Variants in MPPED1 observed in about 807,000 individuals in gnomAD.
The protein encoded by MPPED1 is metallophosphoesterase domain-containing protein 1.
In MPPED1, 16 loss-of-function variants were observed where a neutral mutation model predicts 36.2. The observed-to-expected ratio is 0.44, with a 90% CI of 0.30 to 0.67. The LOEUF is 0.67. Among genes scored for constraint, MPPED1 ranks in the 30% least tolerant of loss-of-function variants. The pLI is 0.10. For missense variants in MPPED1, 307 were observed against 453.4 expected (o/e 0.68, Z 2.93); for synonymous variants, 199 against 191.3 (o/e 1.04, Z -0.33).
At chr22:43,459,948 C>G (rs998691730) in intron 3 of MPPED1, among the ~76,000 whole-genome samples, 3 of 152,146 alleles carry the variant, frequency 2.0e-5, no homozygotes, top group Admixed American at 2.0e-4. Context: ...GTGGCTTACG[C>G]CTGTAATCCC....
At chr22:43,475,927 A>T (rs1468363760) in intron 4 of MPPED1, among the ~76,000 whole-genome samples, 1 of 95,460 alleles carries the variant, frequency 1.0e-5, no homozygotes, top group Non-Finnish European at 2.2e-5. Context: ...GAAGATGGTG[A>T]TGGTGGTATG....
At chr22:43,415,730 G>A (rs779910301) in intron 1 of MPPED1, among the ~76,000 whole-genome samples, 1 of 152,140 alleles carries the variant, frequency 6.6e-6, no homozygotes, top group Non-Finnish European at 1.5e-5. Flanking sequence ...TCTGCATCCA[G>A]TTCAAAGCCA....
In MPPED1 at chr22:43,454,094, T is replaced by C. The variant is rs528814527; in HGVS notation, c.406+18879T>C. 2.6e-3 allele frequency among the ~76,000 whole-genome samples: 389 copies of C among 152,036 alleles called. 2 individuals carry two copies. Among genetic ancestry groups the C allele is most frequent in the Non-Finnish European group, 4.4e-3 (300 of 68,008 alleles). The stretch of plus-strand genomic sequence containing the variant: ...TGCGATCTAGGCTCACTGCAGCCTC[T>C]GCCTCCCTGGTTCAAGCGATTCTCC... On this transcript the variant is annotated intron_variant, in intron 3 of 6. Coordinates refer to ENST00000443721, the MANE Select transcript of MPPED1 (RefSeq NM_001044370.2).
intron 3 of MPPED1, among the ~76,000 whole-genome samples, chr22:43,471,126 G>T (rs558195717): frequency 6.6e-6 from 1 of 152,242 alleles, no homozygotes; most frequent in East Asian, 1.9e-4. Flanking sequence ...CCCAGTAGTC[G>T]GGAGCTGCAG....
intron 4 of MPPED1, among the ~76,000 whole-genome samples, chr22:43,479,623 C>A (rs1005052959): frequency 6.6e-6 from 1 of 152,220 alleles, no homozygotes; most frequent in Non-Finnish European, 1.5e-5. Context: ...CTTCCAGCCC[C>A]TTCCCCTTTA....
At chr22:43,458,607 G>A (rs1418417407) in intron 3 of MPPED1, among the ~76,000 whole-genome samples, 3 of 152,058 alleles carry the variant, frequency 2.0e-5, no homozygotes, top group Non-Finnish European at 4.4e-5. Context: ...ATATTTACCT[G>A]TGTAGCTACC....
chr22:43,453,679 T>A (rs1203278733), intron 3 of MPPED1, among the ~76,000 whole-genome samples: 1 of 152,186 alleles, frequency 6.6e-6, no homozygotes, highest in East Asian at 1.9e-4. Flanking sequence ...TCTAAGATTT[T>A]AAAAACTGCA....
intron 4 of MPPED1, 145 bp from the exon 5 acceptor site, chr22:43,498,090 G>A (rs1338747892): frequency 1.7e-6 from 1 of 587,752 alleles, no homozygotes; most frequent in East Asian, 3.0e-5. Flanking sequence ...GTGAGTCCCT[G>A]CCTTCCCTAG....
At position 43,470,046 on chromosome 22, in the gene MPPED1, A is replaced by G. The variant is rs537709991; in HGVS notation, c.407-4690A>G. On this transcript the variant is annotated intron_variant, in intron 3 of 6. Coordinates refer to ENST00000443721, the MANE Select transcript of MPPED1 (RefSeq NM_001044370.2). Reference sequence around the variant, plus strand: ...CATTAATCCATCTATATATGCATCTATATATCCATACATATATAAATCATC... The same window carrying G: ...CATTAATCCATCTATATATGCATCTGTATATCCATACATATATAAATCATC... Among the ~76,000 whole-genome samples the G allele has an allele frequency of 6.0e-5, 9 of 151,228 alleles. 1 individual carries two copies. Among genetic ancestry groups the G allele is most frequent in the Admixed American group, 3.9e-4 (6 of 15,230 alleles).
intron 2 of MPPED1, among the ~76,000 whole-genome samples, chr22:43,433,425 T>C (rs1929835762): frequency 7.9e-6 from 1 of 126,506 alleles, no homozygotes; most frequent in Non-Finnish European, 1.7e-5. Flanking sequence ...TCAGGATGTA[T>C]TGTATTCAGT....
chr22:43,462,623 T>G (rs963908559), intron 3 of MPPED1, among the ~76,000 whole-genome samples: 2 of 152,216 alleles, frequency 1.3e-5, no homozygotes, highest in African/African-American at 4.8e-5. Context: ...GCTTATATTT[T>G]CATGTGTCCA....
chr22:43,507,537 C>T lies in MPPED1; in HGVS notation c.*1921C>T, dbSNP rs1298233936. 1 of 152,210 alleles carries T rather than the reference C, an allele frequency of 6.6e-6. No individual in the cohort carries two copies. Among genetic ancestry groups the T allele is most frequent in the Non-Finnish European group, 1.5e-5 (1 of 68,050 alleles). 9.4% of individuals were successfully genotyped at this position (152,210 alleles called of 1,614,324 possible). On this transcript the variant is annotated 3_prime_UTR_variant, in exon 7 of 7. Transcript: ENST00000443721. ...TGAGGTCTCTCTGATGCCCCAGGCGCAGGACATGTGTGCGGGTGGAGAAAA... is the reference window on the plus strand; with the variant it reads ...TGAGGTCTCTCTGATGCCCCAGGCGTAGGACATGTGTGCGGGTGGAGAAAA...
At chr22:43,485,332 A>G (rs373140344) in intron 4 of MPPED1, among the ~76,000 whole-genome samples, 1 of 152,156 alleles carries the variant, frequency 6.6e-6, no homozygotes, top group South Asian at 2.1e-4. Context: ...ACACATACAC[A>G]TGAACACACA....
intron 3 of MPPED1, among the ~76,000 whole-genome samples, chr22:43,448,347 C>G (rs1930436528): frequency 6.6e-6 from 1 of 152,192 alleles, no homozygotes. Context: ...GAGAAACTGA[C>G]TTTTGTATTT....
chr22:43,447,883 A>ATATATATATATATTT (rs1321289636), intron 3 of MPPED1, among the ~76,000 whole-genome samples: 84 of 67,696 alleles, frequency 1.2e-3, no homozygotes, highest in Non-Finnish European at 1.4e-3. Context: ...ATATATATAT[A>ATATATATATATATTT]TTTTTTTTTT....
rs1437326480 is a variant in MPPED1, at chr22:43,432,419, GGA to G, written c.225-2608_225-2607del. On this transcript the variant is annotated intron_variant, in intron 2 of 6. Coordinates refer to ENST00000443721, the MANE Select transcript of MPPED1 (RefSeq NM_001044370.2). ...AACGGAGGAGAGAGAGATAAAGGGA[GGA>G]GAGAGAAAGGGAGGAGAGAAAGGGA... Among the ~76,000 whole-genome samples the G allele has an allele frequency of 7.4e-3, 931 of 126,436 alleles. 27 individuals carry two copies. The highest frequency in any genetic ancestry group is 0.021 in the African/African-American group (663 of 31,644). The allele number at this position is 126,436 out of a possible 152,430, so 82.9% of individuals were successfully genotyped here. A position where few individuals can be genotyped will look rare whatever the true frequency, so the allele number is the denominator to read the frequency against.
chr22:43,461,161 T>C (rs770357495), intron 3 of MPPED1, among the ~76,000 whole-genome samples: 1 of 152,166 alleles, frequency 6.6e-6, no homozygotes, highest in Non-Finnish European at 1.5e-5. Context: ...GCCAGGAGTT[T>C]GAGACCAGCC....
At chr22:43,488,623 A>C (rs900472946) in intron 4 of MPPED1, among the ~76,000 whole-genome samples, 2 of 152,238 alleles carry the variant, frequency 1.3e-5, no homozygotes, top group African/African-American at 4.8e-5. Context: ...GCGCTCTGTT[A>C]AAGTTTGAAT....
chr22:43,503,104 G>A (rs1173409712), intron 6 of MPPED1, among the ~76,000 whole-genome samples: 1 of 152,170 alleles, frequency 6.6e-6, no homozygotes, highest in African/African-American at 2.4e-5. Context: ...CATTATATTT[G>A]GTGGGCACAC....
Sources: allele counts gnomAD v4.1 joint callset (sites outside exome capture counted in the v4.1 genomes callset), GRCh38; gene constraint gnomAD v4.1.1; transcripts MANE v1.5; gene names NCBI Gene and HGNC (gene_info 2026-07-23, HGNC 2026-07-21).